Variants in PDIK1L observed in about 807,000 individuals in gnomAD.
PDIK1L encodes serine/threonine-protein kinase PDIK1L.
A neutral mutation model predicts 27.1 loss-of-function variants in PDIK1L; 9 were observed. The observed-to-expected ratio is 0.33, with a 90% CI of 0.20 to 0.58. The LOEUF is 0.58. PDIK1L is among the 20% of genes least tolerant of loss of function. The pLI is 0.86. For synonymous variants in PDIK1L, 130 were observed against 141.7 expected (o/e 0.92, Z 0.59); for missense variants, 216 against 413.2 (o/e 0.52, Z 4.14).
chr1:26,114,085 A>T lies in PDIK1L; in HGVS notation c.-17-207A>T, dbSNP rs1283885719. 6.6e-6 allele frequency among the ~76,000 whole-genome samples: 1 copy of T among 152,226 alleles called. No homozygotes were observed. Among genetic ancestry groups the T allele is most frequent in the Non-Finnish European group, 1.5e-5 (1 of 68,046 alleles). ...GGATTAACTGAATTTAATATTCTAA[A>T]GAGCTTAAAACAGTTCCTGATACAT... On this transcript the variant is annotated intron_variant, in intron 1 of 2. Coordinates refer to ENST00000374269, the MANE Select transcript of PDIK1L (RefSeq NM_152835.5). The surrounding 1 kb of genome is among the most constrained non-coding windows in gnomAD (Gnocchi z 4.8).
chr1:26,112,117 C>G (rs2087807279), intron 1 of PDIK1L, among the ~76,000 whole-genome samples: 1 of 152,214 alleles, frequency 6.6e-6, no homozygotes, highest in Non-Finnish European at 1.5e-5. Context: ...GCCCCCAGCC[C>G]CGAGGAGTTG....
upstream of PDIK1L, among the ~76,000 whole-genome samples, chr1:26,111,675 G>A (rs1362460864): frequency 2.6e-5 from 4 of 151,658 alleles, no homozygotes. The surrounding 1 kb of genome is among the most constrained non-coding windows in gnomAD (Gnocchi z 4.0). Flanking sequence ...AAATCCTCGA[G>A]AGAGGGAGGA....
chr1:26,116,858 G>A (rs2124470576), intron 2 of PDIK1L, among the ~76,000 whole-genome samples: 1 of 151,596 alleles, frequency 6.6e-6, no homozygotes, highest in South Asian at 2.1e-4. Context: ...TGGGATTACA[G>A]GCAACTGCCA....
Position 26,123,106 on chromosome 1 carries a change from CAG to C in PDIK1L, c.*530_*531del, listed in dbSNP as rs907845281. ...GGTTTTTGAGATTTGCTGGTGAAGT[CAG>C]TGACGAAAAATAAACCTTCCCTTAT... On this transcript the variant is annotated 3_prime_UTR_variant, in exon 3 of 3. Coordinates refer to ENST00000374269, the MANE Select transcript of PDIK1L (RefSeq NM_152835.5). The C allele has an allele frequency of 6.6e-6, 1 of 151,474 alleles. No homozygotes were observed. Among genetic ancestry groups the C allele is most frequent in the Non-Finnish European group, 1.5e-5 (1 of 67,924 alleles). 9.4% of individuals were successfully genotyped at this position (151,474 alleles called of 1,614,324 possible). A position where few individuals can be genotyped will look rare whatever the true frequency, so the allele number is the denominator to read the frequency against.
Position 26,122,150 on chromosome 1 carries a change from C to G in PDIK1L, c.599C>G (p.Ser200Cys). 6.2e-7 allele frequency: 1 copy of G among 1,614,156 alleles called. No homozygotes were observed. The highest frequency in any genetic ancestry group is 8.5e-7 in the Non-Finnish European group (1 of 1,180,036). The change falls in exon 3 of 3, where the codon TCT (serine) becomes TGT (cysteine). Residue 200 changes from serine to cysteine, a missense_variant. This residue lies in a region of PDIK1L where 169 missense variants were observed against 366.0 expected (regional missense o/e 0.46). Coordinates refer to ENST00000374269, the MANE Select transcript of PDIK1L (RefSeq NM_152835.5). The surrounding 1 kb of genome is among the most constrained non-coding windows in gnomAD (Gnocchi z 5.4). ...GGTCTAAGTAAAGTTTGTTCAGCCT[C>G]TGGGCAGAACCCAGAAGAACCTGTC... ...DFGLSKVCSA[S>C]GQNPEEPVSV...
chr1:26,119,636 G>A (rs1480026155), intron 2 of PDIK1L, among the ~76,000 whole-genome samples: 2 of 152,186 alleles, frequency 1.3e-5, no homozygotes, highest in East Asian at 1.9e-4. Flanking sequence ...GCCGAGAGGC[G>A]GATCACAAGG....
rs1012298556 is a variant in PDIK1L, at chr1:26,114,671, C to T, written c.285+78C>T. 4.8e-6 allele frequency: 7 copies of T among 1,456,982 alleles called. No homozygotes were observed. In the African/African-American group the frequency reaches 5.6e-5, roughly 12 times the overall value. The allele number at this position is 1,456,982 out of a possible 1,614,324, so 90.3% of individuals were successfully genotyped here. On this transcript the variant is annotated intron_variant, in intron 2 of 2. Coordinates refer to ENST00000374269, the MANE Select transcript of PDIK1L (RefSeq NM_152835.5). This position sits in a 1 kb window ranked among gnomAD's most constrained non-coding sequence, Gnocchi z 4.8. The stretch of plus-strand genomic sequence containing the variant: ...CAAGAAGAGGAATGAAAGGGTCAGA[C>T]GAACGTTTCCCTTTAAATGCAGGTG...
chr1:26,112,206 G>T (rs1319811865), intron 1 of PDIK1L, among the ~76,000 whole-genome samples: 1 of 152,238 alleles, frequency 6.6e-6, no homozygotes, highest in East Asian at 1.9e-4. Flanking sequence ...CACGGCCGAG[G>T]AGGGGGAGGG....
rs1329714874 is a variant in PDIK1L at position 26,122,387 on chromosome 1, T to C, written c.836T>C (p.Val279Ala). 6.2e-7 allele frequency: 1 copy of C among 1,613,942 alleles called. No homozygotes were observed. The highest frequency in any genetic ancestry group is 1.3e-5 in the African/African-American group (1 of 74,888). ...YVKQGTEIVPVGEALLENPKM... is the reference protein window; with the variant it reads ...YVKQGTEIVPAGEALLENPKM... ...AAACAAGGAACTGAGATTGTGCCTG[T>C]TGGGGAGGCACTTCTGGAAAATCCC... The change falls in exon 3 of 3, where the codon GTT becomes GCT. Residue 279 changes from valine to alanine, a missense_variant. Physicochemically the swap from Val to Ala is moderately conservative, Grantham distance 64. This residue lies in a region of PDIK1L where 169 missense variants were observed against 366.0 expected (regional missense o/e 0.46). Coordinates refer to ENST00000374269, the MANE Select transcript of PDIK1L (RefSeq NM_152835.5). The surrounding 1 kb of genome is among the most constrained non-coding windows in gnomAD (Gnocchi z 5.4).
intron 2 of PDIK1L, among the ~76,000 whole-genome samples, chr1:26,115,247 A>G (rs1237443824): frequency 6.6e-6 from 1 of 152,254 alleles, no homozygotes; most frequent in Non-Finnish European, 1.5e-5. Flanking sequence ...TGAGGCTTAT[A>G]GTATAGATAA....
At chr1:26,112,173 C>T (rs575029745) in intron 1 of PDIK1L, among the ~76,000 whole-genome samples, 1 of 152,338 alleles carries the variant, frequency 6.6e-6, no homozygotes, top group East Asian at 1.9e-4. Flanking sequence ...GCTCAGGAGG[C>T]TCCCCTCCGG....
chr1:26,122,587 T>C lies in PDIK1L; in HGVS notation c.*10T>C, dbSNP rs2124475442. ...CAGCTGGGAAACGTGACACATATTA[T>C]TTGCAAATACCATGGATGATATGCT... On this transcript the variant is annotated 3_prime_UTR_variant, in exon 3 of 3. Transcript: ENST00000374269. The surrounding 1 kb of genome is among the most constrained non-coding windows in gnomAD (Gnocchi z 5.4). 2 of 1,593,454 alleles carry C rather than the reference T, an allele frequency of 1.3e-6. No homozygotes were observed. The highest frequency in any genetic ancestry group is 1.3e-5 in the African/African-American group (1 of 74,192).
chr1:26,121,021 A>G (rs371873529), intron 2 of PDIK1L, among the ~76,000 whole-genome samples: 5 of 151,926 alleles, frequency 3.3e-5, no homozygotes, highest in African/African-American at 4.8e-5. Flanking sequence ...AAGTAATTCT[A>G]TTGAATTTCA....
At chr1:26,120,692 G>A (rs557963770) in intron 2 of PDIK1L, among the ~76,000 whole-genome samples, 27 of 152,312 alleles carry the variant, frequency 1.8e-4, no homozygotes, top group Admixed American at 1.6e-3. Flanking sequence ...CATGGCTCAT[G>A]CCTATAGTCC....
At position 26,111,889 on chromosome 1, in the gene PDIK1L, G is replaced by A. The variant is rs1018288958; in HGVS notation, c.-44G>A. ...ATGGCGGCCTGCAGAGCCCATGAGA[G>A]GGAGAAGCGGCAGCGTCTACCCTGA... On this transcript the variant is annotated 5_prime_UTR_variant, in exon 1 of 3. Transcript: ENST00000374269. This position sits in a 1 kb window ranked among gnomAD's most constrained non-coding sequence, Gnocchi z 4.0. 3 of 152,082 alleles carry A rather than the reference G, an allele frequency of 2.0e-5. No individual in the cohort carries two copies. Among genetic ancestry groups the A allele is most frequent in the African/African-American group, 4.8e-5 (2 of 41,430 alleles). 9.4% of individuals were successfully genotyped at this position (152,082 alleles called of 1,614,324 possible).
rs2088033823 is a variant in PDIK1L, at chr1:26,123,832, G to A, written c.*1255G>A. On this transcript the variant is annotated 3_prime_UTR_variant, in exon 3 of 3. Transcript: ENST00000374269. ...TCCATTTTATACAATCACTGATACAGTCTATGTCAAAAAACCAACAGACCA... is the reference window on the plus strand; with the variant it reads ...TCCATTTTATACAATCACTGATACAATCTATGTCAAAAAACCAACAGACCA... 1.3e-5 allele frequency: 2 copies of A among 152,552 alleles called. No individual in the cohort carries two copies. The highest frequency in any genetic ancestry group is 4.1e-4 in the South Asian group (2 of 4,832). The allele number at this position is 152,552 out of a possible 1,614,324, so 9.4% of individuals were successfully genotyped here. A position where few individuals can be genotyped will look rare whatever the true frequency, so the allele number is the denominator to read the frequency against.
chr1:26,120,268 A>G (rs1479853603), intron 2 of PDIK1L, among the ~76,000 whole-genome samples: 1 of 152,226 alleles, frequency 6.6e-6, no homozygotes, highest in African/African-American at 2.4e-5. Flanking sequence ...CATTCTTTGA[A>G]CGCTGGGACT....
At chr1:26,119,350 G>A (rs989116257) in intron 2 of PDIK1L, among the ~76,000 whole-genome samples, 4 of 152,080 alleles carry the variant, frequency 2.6e-5, no homozygotes, top group African/African-American at 9.7e-5. Flanking sequence ...TGAGGCTGCG[G>A]TGAGCCATGA....
At position 26,111,830 on chromosome 1, in the gene PDIK1L, A is replaced by T. The variant is rs1428613559; in HGVS notation, c.-103A>T. ...GGGGCGCGCGCCGGCTGCTGACTGG[A>T]GGCGGCGGCAGCGGAGGCGCGAGCT... On this transcript the variant is annotated 5_prime_UTR_variant, in exon 1 of 3. Coordinates refer to ENST00000374269, the MANE Select transcript of PDIK1L (RefSeq NM_152835.5). This position sits in a 1 kb window ranked among gnomAD's most constrained non-coding sequence, Gnocchi z 4.0. 1 of 151,936 alleles carries T rather than the reference A, an allele frequency of 6.6e-6. No homozygotes were observed. Among genetic ancestry groups the T allele is most frequent in the Non-Finnish European group, 1.5e-5 (1 of 68,068 alleles). 9.4% of individuals were successfully genotyped at this position (151,936 alleles called of 1,614,324 possible). A position where few individuals can be genotyped will look rare whatever the true frequency, so the allele number is the denominator to read the frequency against.
Sources: gnomAD v4.1 joint callset for allele counts (sites outside exome capture counted in the v4.1 genomes callset) on GRCh38, gnomAD v4.1.1 for gene constraint, gnomAD v4.1.1 regional missense constraint, Gnocchi (gnomAD v3.1) non-coding constraint, MANE v1.5 for transcripts, NCBI Gene and HGNC (gene_info 2026-07-23, HGNC 2026-07-21) for gene names.